PTPRR: variants seen among roughly 807,000 people sequenced by gnomAD.
The protein encoded by PTPRR is receptor-type tyrosine-protein phosphatase R.
A neutral mutation model predicts 77.2 loss-of-function variants in PTPRR; 38 were observed. The ratio of observed to expected loss-of-function variants is 0.49; its 90% CI spans 0.38 to 0.65. PTPRR has a LOEUF of 0.65. Among genes scored for constraint, PTPRR ranks in the 30% least tolerant of loss-of-function variants. The pLI is 0.00. For missense variants in PTPRR, 744 were observed against 799.2 expected (o/e 0.93, Z 0.83); for synonymous variants, 299 against 283.1 (o/e 1.06, Z -0.57).
At chr12:70,909,053 G>A (rs1893663797) in intron 1 of PTPRR, among the ~76,000 whole-genome samples, 1 of 152,154 alleles carries the variant, frequency 6.6e-6, no homozygotes, top group South Asian at 2.1e-4. Flanking sequence ...GTTCCCAAGT[G>A]TAAACTTCAA....
At position 70,639,503 on chromosome 12, in the gene PTPRR, C is replaced by T. The variant is rs17108480; in HGVS notation, c.1881-226G>A. 3.3e-3 allele frequency: 4,227 copies of T among 1,262,954 alleles called. 103 individuals carry two copies. In the African/African-American group the frequency reaches 0.053, roughly 16 times the overall value. 78.2% of individuals were successfully genotyped at this position (1,262,954 alleles called of 1,614,324 possible). ...CACAGTTCCCAGCACACACTAGGCA[C>T]GTGATTAATTTTTACCTGTGTAACA... is the stretch of plus-strand genomic sequence containing the variant. On this transcript the variant is annotated intron_variant, in intron 13 of 13. Coordinates refer to ENST00000283228, the MANE Select transcript of PTPRR (RefSeq NM_002849.4).
intron 8 of PTPRR, among the ~76,000 whole-genome samples, chr12:70,687,635 T>G (rs1350716723): frequency 3.3e-5 from 5 of 152,106 alleles, no homozygotes; most frequent in Non-Finnish European, 5.9e-5. Context: ...ACCAAAACAC[T>G]TTGCAAAAGA....
intron 6 of PTPRR, among the ~76,000 whole-genome samples, chr12:70,709,294 C>A (rs1888734921): frequency 6.6e-6 from 1 of 152,094 alleles, no homozygotes; most frequent in African/African-American, 2.4e-5. Flanking sequence ...TCTTAATAAA[C>A]TAGGTACTAA....
intron 8 of PTPRR, among the ~76,000 whole-genome samples, chr12:70,689,224 A>C (rs890133364): frequency 6.6e-5 from 10 of 152,184 alleles, no homozygotes; most frequent in African/African-American, 2.2e-4. Flanking sequence ...GGTAATGGAT[A>C]CATTAATATT....
intron 2 of PTPRR, among the ~76,000 whole-genome samples, chr12:70,825,683 C>T (rs757019020): frequency 6.6e-6 from 1 of 152,238 alleles, no homozygotes; most frequent in African/African-American, 2.4e-5. Flanking sequence ...GTTACAGACT[C>T]TGTTGCACGG....
intron 2 of PTPRR, among the ~76,000 whole-genome samples, chr12:70,822,106 A>G (rs1174382000): frequency 6.6e-6 from 1 of 152,248 alleles, no homozygotes; most frequent in Non-Finnish European, 1.5e-5. Context: ...GCATTTAATG[A>G]GCATCACTGT....
At chr12:70,767,921 A>G (rs993656737) in intron 2 of PTPRR, among the ~76,000 whole-genome samples, 5 of 152,186 alleles carry the variant, frequency 3.3e-5, no homozygotes, top group African/African-American at 1.2e-4. Flanking sequence ...ACTACTGGGT[A>G]CATAACGAAA....
At chr12:70,771,821 T>C (rs1469182359) in intron 2 of PTPRR, among the ~76,000 whole-genome samples, 1 of 152,174 alleles carries the variant, frequency 6.6e-6, no homozygotes, top group African/African-American at 2.4e-5. Context: ...ACATAGTGAT[T>C]TGCTGCCAGT....
chr12:70,766,657 C>G (rs1193983699), intron 2 of PTPRR, among the ~76,000 whole-genome samples: 1 of 150,986 alleles, frequency 6.6e-6, no homozygotes, highest in African/African-American at 2.5e-5. Flanking sequence ...TCAGGAAATA[C>G]AGAGAATGCC....
intron 2 of PTPRR, among the ~76,000 whole-genome samples, chr12:70,872,659 C>A (rs182702212): frequency 7.8e-6 from 1 of 128,758 alleles, no homozygotes; most frequent in East Asian, 2.5e-4. Flanking sequence ...CGCACCACTG[C>A]ACTCCAATCT....
At chr12:70,673,431 G>A (rs760075908) in intron 10 of PTPRR, among the ~76,000 whole-genome samples, 73 of 152,196 alleles carry the variant, frequency 4.8e-4, no homozygotes, top group Non-Finnish European at 9.4e-4. Flanking sequence ...AATGTATTCT[G>A]TAATCCTTGT....
intron 10 of PTPRR, among the ~76,000 whole-genome samples, chr12:70,679,679 A>G (rs1254596063): frequency 1.3e-5 from 2 of 151,958 alleles, no homozygotes; most frequent in Non-Finnish European, 2.9e-5. Flanking sequence ...TTTGAAGTCT[A>G]TTTTATCTGG....
Position 70,747,106 on chromosome 12 carries a change from C to T in PTPRR, c.739-1020G>A, listed in dbSNP as rs77594968. Among the ~76,000 whole-genome samples, 1,010 of 152,066 alleles carry T rather than the reference C, an allele frequency of 6.6e-3. 13 individuals carry two copies. Among genetic ancestry groups the T allele is most frequent in the African/African-American group, 0.023 (950 of 41,500 alleles). On this transcript the variant is annotated intron_variant, in intron 5 of 13. Transcript: ENST00000283228. The stretch of plus-strand genomic sequence containing the variant: ...AGCAAGTGTAATGTGTTTTTTTAAG[C>T]TATAGGATGGAAAAGACTGAAGATG...
At chr12:70,866,135 A>G (rs1235281142) in intron 2 of PTPRR, among the ~76,000 whole-genome samples, 2 of 152,048 alleles carry the variant, frequency 1.3e-5, no homozygotes, top group African/African-American at 2.4e-5. Context: ...CTAGAAAAGC[A>G]ACAGCAAACA....
At chr12:70,697,618 G>T (rs1888274810) in intron 8 of PTPRR, among the ~76,000 whole-genome samples, 1 of 151,992 alleles carries the variant, frequency 6.6e-6, no homozygotes, top group Admixed American at 6.6e-5. Context: ...GCTTATCTAA[G>T]AAACCACTGA....
rs375973051 is a variant in PTPRR at position 70,920,504 on chromosome 12, G to A, written c.-114C>T. On this transcript the variant is annotated 5_prime_UTR_variant, in exon 1 of 14. Coordinates refer to ENST00000283228, the MANE Select transcript of PTPRR (RefSeq NM_002849.4). Reference sequence around the variant, plus strand: ...TCTAGTCTCCGGGATTCAGGTCCTCGGCTGGGGTTTGCAGAGCAGTCAGTC... The same window carrying A: ...TCTAGTCTCCGGGATTCAGGTCCTCAGCTGGGGTTTGCAGAGCAGTCAGTC... The A allele has an allele frequency of 5.0e-5, 52 of 1,035,860 alleles. No homozygotes were observed. In the East Asian group the frequency reaches 7.6e-4, roughly 15 times the overall value. The allele number at this position is 1,035,860 out of a possible 1,614,324, so 64.2% of individuals were successfully genotyped here. A position where few individuals can be genotyped will look rare whatever the true frequency, so the allele number is the denominator to read the frequency against.
At position 70,851,635 on chromosome 12, in the gene PTPRR, A is replaced by C. The variant is rs1288598604; in HGVS notation, c.357+41044T>G. On this transcript the variant is annotated intron_variant, in intron 2 of 13. Coordinates refer to ENST00000283228, the MANE Select transcript of PTPRR (RefSeq NM_002849.4). ...TAACATGTATAAGGCATTTATGAAA[A>C]TGAATGGCACACAATACTTGCTAGT... 3.9e-5 allele frequency among the ~76,000 whole-genome samples: 6 copies of C among 152,222 alleles called. No individual in the cohort carries two copies. The East Asian group carries it at 1.2e-3, about 29-fold the overall frequency.
chr12:70,920,226 T>G (rs1893835375), intron 1 of PTPRR, 107 bp downstream of exon 1: 1 of 1,280,912 alleles, frequency 7.8e-7, no homozygotes, highest in Admixed American at 1.9e-5. Context: ...CTGTTTTACC[T>G]TTTTAGAAAG....
intron 6 of PTPRR, among the ~76,000 whole-genome samples, chr12:70,708,839 C>A (rs1001271512): frequency 6.6e-6 from 1 of 151,716 alleles, no homozygotes; most frequent in East Asian, 1.9e-4. Flanking sequence ...CACACACACA[C>A]ACACACGGCA....
Sources: allele counts gnomAD v4.1 joint callset (sites outside exome capture counted in the v4.1 genomes callset), GRCh38; gene constraint gnomAD v4.1.1; transcripts MANE v1.5; gene names NCBI Gene and HGNC (gene_info 2026-07-23, HGNC 2026-07-21).